The following ROBO2 variants were observed in gnomAD, a reference collection of about 807,000 sequenced individuals.
ROBO2 encodes roundabout guidance receptor 2.
In ROBO2, 53 loss-of-function variants were observed where a neutral mutation model predicts 160.8. The observed-to-expected ratio is 0.33, with a 90% confidence interval of 0.26 to 0.41. The LOEUF is 0.41. Ranked by LOEUF, ROBO2 falls within the 10% of genes least tolerant of loss-of-function variation. The pLI, the probability that ROBO2 is intolerant of heterozygous loss-of-function variation, is 1.00. For synonymous variants in ROBO2, 664 were observed against 611.7 expected (o/e 1.09, Z -1.26); for missense variants, 1,577 against 1,722.4 (o/e 0.92, Z 1.49).
At chr3:76,318,073 T>C (rs1483981892) in intron 2 of ROBO2, among the ~76,000 whole-genome samples, 1 of 152,094 alleles carries the variant, frequency 6.6e-6, no homozygotes, top group Non-Finnish European at 1.5e-5. Context: ...CCCTGAGATT[T>C]CATGTTATTT....
intron 2 of ROBO2, among the ~76,000 whole-genome samples, chr3:76,449,557 T>C (rs2077368368): frequency 6.6e-6 from 1 of 152,184 alleles, no homozygotes; most frequent in Non-Finnish European, 1.5e-5. Flanking sequence ...AAGGATTTCC[T>C]AGAGCTGCTG....
chr3:77,115,871 T>G (rs2074143567), intron 2 of ROBO2, among the ~76,000 whole-genome samples: 1 of 152,192 alleles, frequency 6.6e-6, no homozygotes, highest in Non-Finnish European at 1.5e-5. Flanking sequence ...GAGTGACCTT[T>G]GGAGTGGCTG....
At chr3:77,047,782 G>A (rs1379833707) in intron 1 of ROBO2, among the ~76,000 whole-genome samples, 10 of 151,044 alleles carry the variant, frequency 6.6e-5, no homozygotes, top group African/African-American at 2.4e-4. Context: ...GGTGGCTCAC[G>A]CCTGTAATCC....
At chr3:76,275,357 C>T (rs1707860055) in intron 2 of ROBO2, among the ~76,000 whole-genome samples, 1 of 152,038 alleles carries the variant, frequency 6.6e-6, no homozygotes, top group Non-Finnish European at 1.5e-5. Context: ...GCACCTGTTT[C>T]CTCACCTGCC....
At chr3:76,099,054 C>T (rs1197747097) in intron 2 of ROBO2, among the ~76,000 whole-genome samples, 1 of 152,038 alleles carries the variant, frequency 6.6e-6, no homozygotes, top group Non-Finnish European at 1.5e-5. Context: ...ATCCAGCATC[C>T]AGTAAAGTAA....
At chr3:76,265,608 C>A (rs1221455649) in intron 2 of ROBO2, among the ~76,000 whole-genome samples, 1 of 152,038 alleles carries the variant, frequency 6.6e-6, no homozygotes, top group Non-Finnish European at 1.5e-5. Context: ...ATATTTTGAG[C>A]ACCTGCAAAG....
At chr3:77,100,385 TC>T (rs1243283564) in intron 2 of ROBO2, among the ~76,000 whole-genome samples, 1 of 152,168 alleles carries the variant, frequency 6.6e-6, no homozygotes, top group Non-Finnish European at 1.5e-5. Flanking sequence ...CTCATCTCTT[TC>T]CATTCGCTCA....
chr3:77,372,946 C>A (rs1199945856), intron 2 of ROBO2, among the ~76,000 whole-genome samples: 1 of 151,720 alleles, frequency 6.6e-6, no homozygotes, highest in Non-Finnish European at 1.5e-5. Flanking sequence ...TCTGTATTAA[C>A]TATTAAAGCT....
intron 2 of ROBO2, among the ~76,000 whole-genome samples, chr3:77,379,954 G>A (rs778734080): frequency 6.6e-6 from 1 of 152,074 alleles, no homozygotes; most frequent in Non-Finnish European, 1.5e-5. Flanking sequence ...CATACAGGCG[G>A]AGCATCTGTC....
intron 25 of ROBO2, 31 bp downstream of exon 27, chr3:77,644,935 G>A (rs775860063): frequency 6.6e-5 from 105 of 1,600,818 alleles, no homozygotes; most frequent in South Asian, 2.9e-4. Flanking sequence ...AAAGGCTATC[G>A]TGATTCAGAA....
At chr3:77,057,319 G>A (rs2065852777) in intron 1 of ROBO2, among the ~76,000 whole-genome samples, 1 of 152,088 alleles carries the variant, frequency 6.6e-6, no homozygotes, top group Admixed American at 6.6e-5. Flanking sequence ...CATGGGGTGA[G>A]GGGAGCGGGG....
intron 2 of ROBO2, among the ~76,000 whole-genome samples, chr3:77,406,039 G>A (rs1231884257): frequency 2.0e-5 from 3 of 152,146 alleles, no homozygotes; most frequent in Admixed American, 2.0e-4. Context: ...AAAGAAAGGA[G>A]GTTTAATTGA....
chr3:77,508,186 T>A (rs937022376), intron 5 of ROBO2, among the ~76,000 whole-genome samples: 15 of 151,532 alleles, frequency 9.9e-5, no homozygotes, highest in African/African-American at 3.6e-4. Context: ...TGATTTTCAC[T>A]AAATTGAAAG....
chr3:76,030,381 T>TCTG (rs2066881252), intron 2 of ROBO2, among the ~76,000 whole-genome samples: 1 of 152,212 alleles, frequency 6.6e-6, no homozygotes, highest in African/African-American at 2.4e-5. Flanking sequence ...TTAGATCCCA[T>TCTG]TCATCTATCT....
At chr3:77,563,544 G>A (rs2093395228) in intron 11 of ROBO2, among the ~76,000 whole-genome samples, 1 of 152,118 alleles carries the variant, frequency 6.6e-6, no homozygotes, top group African/African-American at 2.4e-5. Flanking sequence ...TCATGCCTAG[G>A]TCTATGGGGA....
At chr3:76,821,153 A>G (rs995802402) in intron 2 of ROBO2, among the ~76,000 whole-genome samples, 2 of 152,010 alleles carry the variant, frequency 1.3e-5, no homozygotes, top group Non-Finnish European at 2.9e-5. Context: ...ACACTACCAT[A>G]TAATTAAACG....
At chr3:77,002,146 G>A (rs1255795532) in intron 2 of ROBO2, among the ~76,000 whole-genome samples, 2 of 151,902 alleles carry the variant, frequency 1.3e-5, no homozygotes, top group Non-Finnish European at 2.9e-5. Context: ...CTAAATTTAT[G>A]AGTGTTCAAA....
chr3:76,743,346 TGA>T (rs1291631768), intron 2 of ROBO2, among the ~76,000 whole-genome samples: 1 of 152,070 alleles, frequency 6.6e-6, no homozygotes, highest in Non-Finnish European at 1.5e-5. Flanking sequence ...AAATCAAGAC[TGA>T]GTTACCTATG....
intron 2 of ROBO2, among the ~76,000 whole-genome samples, chr3:75,961,337 ATATATT>A (rs1449700977): frequency 4.0e-5 from 6 of 151,606 alleles, no homozygotes; most frequent in Admixed American, 6.6e-5. Context: ...TATTTCATGG[ATATATT>A]TATATTTATT....
Sources: gnomAD v4.1 joint callset for allele counts (sites outside exome capture counted in the v4.1 genomes callset) on GRCh38, gnomAD v4.1.1 for gene constraint, MANE v1.5 for transcripts, NCBI Gene and HGNC (gene_info 2026-07-23, HGNC 2026-07-21) for gene names.